ALS2CL: variants seen among roughly 807,000 people sequenced by gnomAD.
ALS2CL encodes ALS2 C-terminal like, also known as ALS2 C-terminal-like protein.
ALS2CL carries 112 observed loss-of-function variants against 127.9 expected under a neutral mutation model. The observed-to-expected ratio is 0.88, with a 90% CI of 0.75 to 1.02. ALS2CL has a LOEUF of 1.02. Ranked by LOEUF, ALS2CL falls within the 50% of genes least tolerant of loss-of-function variation. The pLI is 0.00. For synonymous variants in ALS2CL, 519 were observed against 527.6 expected (o/e 0.98, Z 0.22); for missense variants, 1,174 against 1,236.7 (o/e 0.95, Z 0.76).
chr3:46,676,698 G>T lies in ALS2CL; in HGVS notation c.1972C>A (p.Leu658Met). Residue 658 changes from leucine to methionine, a missense_variant, in exon 18 of 26, where the codon CTG becomes ATG. Transcript: ENST00000318962. Reference protein sequence around the residue: ...EDSVGSMEDILEELLQHREPK... With the variant: ...EDSVGSMEDIMEELLQHREPK... ...TCCCGGTGCTGCAGCAGCTCCTCCA[G>T]GATGTCTTCCATACTGCCCACACTG... 6.2e-7 allele frequency: 1 copy of T among 1,613,724 alleles called. No homozygotes were observed. Among genetic ancestry groups the T allele is most frequent in the Non-Finnish European group, 8.5e-7 (1 of 1,179,976 alleles).
chr3:46,678,860 G>A (rs1324513182), intron 15 of ALS2CL, among the ~76,000 whole-genome samples: 1 of 152,220 alleles, frequency 6.6e-6, no homozygotes, highest in East Asian at 1.9e-4. Flanking sequence ...CTTTTCCTGG[G>A]TTAGCTCAGG....
At chr3:46,688,398 G>A (rs534786454) in intron 2 of ALS2CL, 102 bp from the exon 3 acceptor site, 68 of 1,125,848 alleles carry the variant, frequency 6.0e-5, no homozygotes, top group African/African-American at 1.6e-4. Flanking sequence ...CACCAGCACC[G>A]GCCAGCCCTG....
intron 17 of ALS2CL, 55 bp downstream of exon 17, chr3:46,676,794 A>T (rs899296641): frequency 1.4e-5 from 20 of 1,460,110 alleles, no homozygotes; most frequent in Non-Finnish European, 1.9e-5. Context: ...CCCTCCCCCC[A>T]GGAAGCCCTC....
At chr3:46,680,330 C>G in intron 14 of ALS2CL, 100 bp downstream of exon 14, 1 of 1,282,848 alleles carries the variant, frequency 7.8e-7, no homozygotes, top group Non-Finnish European at 1.1e-6. Flanking sequence ...GAACACAGCC[C>G]CCTTTCCCAT....
In ALS2CL at chr3:46,677,276, G is replaced by A. The variant is rs186303805; in HGVS notation, c.1758-254C>T. On this transcript the variant is annotated intron_variant, in intron 16 of 25. Transcript: ENST00000318962. Reference sequence around the variant, plus strand: ...GAAGCATATGGAATCCTGGAAAGACGGAGACAGAAAGGTGGGCAGATCTGG... The same window carrying A: ...GAAGCATATGGAATCCTGGAAAGACAGAGACAGAAAGGTGGGCAGATCTGG... 6.8e-5 allele frequency: 91 copies of A among 1,334,718 alleles called. No individual in the cohort carries two copies. In the Middle Eastern group the frequency reaches 8.5e-4, roughly 13 times the overall value. The allele number at this position is 1,334,718 out of a possible 1,614,324, so 82.7% of individuals were successfully genotyped here.
chr3:46,684,951 T>C (rs1699650459), intron 7 of ALS2CL, among the ~76,000 whole-genome samples: 1 of 152,156 alleles, frequency 6.6e-6, no homozygotes, highest in Non-Finnish European at 1.5e-5. Context: ...GACTGTGCTG[T>C]GGACCTCACC....
In ALS2CL at chr3:46,685,634, CA is replaced by C; in HGVS notation, c.676del (p.Cys226AlafsTer16). 1.2e-6 allele frequency: 2 copies of C among 1,613,590 alleles called. No individual in the cohort carries two copies. The highest frequency in any genetic ancestry group is 1.7e-6 in the Non-Finnish European group (2 of 1,179,818). On this transcript the variant is annotated frameshift_variant, in exon 7 of 26. Transcript: ENST00000318962. LOFTEE classifies it high-confidence loss of function. ...TLRGRLRDVLCTPAHRLLQDS... is the reference protein window; with the variant it reads ...TLRGRLRDVLXTPAHRLLQDS... ...CTGAAGGAGTCTGTGAGCAGGGGTG[CA>C]GAGCACATCCTGGTGGGGCAAAGAG... is the stretch of plus-strand genomic sequence containing the variant.
chr3:46,676,152 G>T, intron 19 of ALS2CL, 93 bp downstream of exon 19: 1 of 1,508,662 alleles, frequency 6.6e-7, no homozygotes, highest in Non-Finnish European at 8.9e-7. Context: ...TCAGACACTT[G>T]GCATTCCTCC....
chr3:46,685,333 C>T (rs1199924475), intron 7 of ALS2CL, among the ~76,000 whole-genome samples, 192 bp downstream of exon 7: 1 of 152,206 alleles, frequency 6.6e-6, no homozygotes, highest in Non-Finnish European at 1.5e-5. Flanking sequence ...GACAGCCTTT[C>T]CCCTCAGCCC....
chr3:46,680,941 AG>A, intron 13 of ALS2CL: 1 of 561,612 alleles, frequency 1.8e-6, no homozygotes, highest in Non-Finnish European at 3.2e-6. Flanking sequence ...CCAAGGATCC[AG>A]GGCTTTATCA....
rs527562174 is a variant in ALS2CL at position 46,687,282 on chromosome 3, A to T, written c.369-134T>A. On this transcript the variant is annotated intron_variant, in intron 4 of 25. Transcript: ENST00000318962. ...AGGCCCAAAACCTCTACCCTATCAG[A>T]TCAACACAGTACCTGAGTTGCCCTC... The T allele has an allele frequency of 3.7e-5, 37 of 995,306 alleles. 1 individual carries two copies. In the South Asian group the frequency reaches 6.3e-4, roughly 17 times the overall value. 61.7% of individuals were successfully genotyped at this position (995,306 alleles called of 1,614,324 possible).
In ALS2CL at chr3:46,687,065, C is replaced by G; in HGVS notation, c.452G>C (p.Gly151Ala). The change falls in exon 5 of 26, where the codon GGC becomes GCC. Residue 151 changes from glycine (G) to alanine (A), a missense_variant. Physicochemically the swap from Gly to Ala is moderately conservative, Grantham distance 60. Transcript: ENST00000318962. ...GGCGAGTGGCTGGTGGAGGGCCTGG[C>G]CCAGCGATGCGCCCACCGAGCCCTC... The part of the protein sequence containing the change: ...SSEGSVGASL[G>A]QALHQPLAHH... 1 of 1,596,916 alleles carries G rather than the reference C, an allele frequency of 6.3e-7. No individual in the cohort carries two copies. Among genetic ancestry groups the G allele is most frequent in the South Asian group, 1.1e-5 (1 of 89,596 alleles).
chr3:46,671,617 G>T, intron 24 of ALS2CL, 33 bp from the exon 25 acceptor site: 1 of 1,613,444 alleles, frequency 6.2e-7, no homozygotes, highest in Non-Finnish European at 8.5e-7. Flanking sequence ...GAGAGCGAGG[G>T]AGACAAGGAG....
rs756823469 is a variant in ALS2CL at position 46,670,939 on chromosome 3, G to A, written c.*45C>T. On this transcript the variant is annotated 3_prime_UTR_variant, in exon 26 of 26. Transcript: ENST00000318962. The surrounding 1 kb of genome is among the most constrained non-coding windows in gnomAD (Gnocchi z 5.5). ...TGCCTTGGGTAATGAGGGACAGGCT[G>A]GCAGTGCCCTGCTCAGCTCTTCAGT... 1.3e-6 allele frequency: 2 copies of A among 1,570,324 alleles called. No individual in the cohort carries two copies. The highest frequency in any genetic ancestry group is 1.8e-6 in the Non-Finnish European group (2 of 1,140,600).
At chr3:46,677,150 G>C (rs1031451797) in intron 16 of ALS2CL, 128 bp from the exon 17 acceptor site, 80 of 1,467,822 alleles carry the variant, frequency 5.5e-5, no homozygotes, top group Non-Finnish European at 4.2e-5. Context: ...AAGAAGGGTG[G>C]ATGGATTGAA....
At chr3:46,679,188 G>A in intron 15 of ALS2CL, 22 bp downstream of exon 15, 1 of 1,548,206 alleles carries the variant, frequency 6.5e-7, no homozygotes, top group Non-Finnish European at 8.7e-7. Context: ...AGGGTGTGGA[G>A]GGGGGCCTCA....
intron 15 of ALS2CL, 91 bp downstream of exon 15, chr3:46,679,119 A>T (rs1306845441): frequency 6.7e-6 from 9 of 1,341,324 alleles, no homozygotes; most frequent in Non-Finnish European, 9.2e-6. Context: ...GCCCTCCCCT[A>T]CCTGCCCCCA....
chr3:46,677,291 G>T, intron 16 of ALS2CL: 5 of 1,300,868 alleles, frequency 3.8e-6, no homozygotes, highest in Non-Finnish European at 4.9e-6. Context: ...CAGAAAGGTG[G>T]GCAGATCTGG....
Position 46,686,398 on chromosome 3 carries a change from G to A in ALS2CL, c.576C>T (p.Leu192=). Residue 192 remains leucine (L), a synonymous_variant, in exon 6 of 26, where the codon CTC becomes CTT. Transcript: ENST00000318962. This position sits in a 1 kb window ranked among gnomAD's most constrained non-coding sequence, Gnocchi z 4.3. ...TCATGAAGGACTGCAGGTTCCCAAAGAGGGTGACTGCGTTCACCACCAGCT... is the reference window on the plus strand; with the variant it reads ...TCATGAAGGACTGCAGGTTCCCAAAAAGGGTGACTGCGTTCACCACCAGCT... ...TRELVVNAVT[L]FGNLQSFMKQ... The A allele has an allele frequency of 6.2e-7, 1 of 1,613,778 alleles. No homozygotes were observed. Among genetic ancestry groups the A allele is most frequent in the Non-Finnish European group, 8.5e-7 (1 of 1,179,908 alleles).
Sources: allele counts gnomAD v4.1 joint callset (sites outside exome capture counted in the v4.1 genomes callset), GRCh38; gene constraint gnomAD v4.1.1; non-coding constraint Gnocchi (gnomAD v3.1); transcripts MANE v1.5; gene names NCBI Gene and HGNC (gene_info 2026-07-23, HGNC 2026-07-21).